Variants in TMEM39B observed in about 807,000 individuals in gnomAD.
TMEM39B encodes the protein transmembrane protein 39B.
A neutral mutation model predicts 52.2 loss-of-function variants in TMEM39B; 23 were observed. The ratio of observed to expected loss-of-function variants is 0.44; its 90% CI spans 0.32 to 0.62. The LOEUF is 0.62. Ranked by LOEUF, TMEM39B falls within the 20% of genes least tolerant of loss-of-function variation. The pLI is 0.06. For missense variants in TMEM39B, 547 were observed against 642.0 expected, an observed-to-expected ratio of 0.85 and a Z score of 1.60; for synonymous variants, 285 against 264.0, an observed-to-expected ratio of 1.08 and a Z score of -0.77.
At chr1:32,097,781 ACTACAGATGCCCGCCACCGCACCTGG>A (rs1381210718) in intron 7 of TMEM39B, among the ~76,000 whole-genome samples, 50 of 151,852 alleles carry the variant, frequency 3.3e-4, no homozygotes, top group Non-Finnish European at 6.3e-4. Context: ...AGTAGCTGGG[ACTACAGATGCCCGCCACCGCACCTGG>A]CTAATTTTTT....
At chr1:32,080,200 TTTAAG>T (rs1171824936) in intron 5 of TMEM39B, among the ~76,000 whole-genome samples, 3 of 152,172 alleles carry the variant, frequency 2.0e-5, no homozygotes, top group East Asian at 3.9e-4. Flanking sequence ...CTGGCAAACT[TTTAAG>T]TTGTTTCTAG....
In TMEM39B at chr1:32,091,790, C is replaced by T. The variant is rs768247211; in HGVS notation, c.706C>T (p.Arg236Trp). ...REAVSGLAKSRDYLLTLRETW... is the reference protein window; with the variant it reads ...REAVSGLAKSWDYLLTLRETW... ...GGCGGTCAGTGGCCTGGCAAAGAGC[C>T]GGGACTACCTCCTGACACTGCGGGA... Residue 236 changes from arginine to tryptophan, a missense_variant, in exon 6 of 9, where the codon CGG becomes TGG. Coordinates refer to ENST00000336294, the MANE Select transcript of TMEM39B (RefSeq NM_018056.4). 6.2e-6 allele frequency: 10 copies of T among 1,614,092 alleles called. No individual in the cohort carries two copies. Among genetic ancestry groups the T allele is most frequent in the East Asian group, 4.5e-5 (2 of 44,900 alleles).
chr1:32,075,855 TGTGTGTGTGC>T (rs1467731014), intron 3 of TMEM39B, 33 bp downstream of exon 3: 10 of 1,328,722 alleles, frequency 7.5e-6, no homozygotes, highest in African/African-American at 3.0e-5. Flanking sequence ...TGTGTGTGTG[TGTGTGTGTGC>T]GTGTGTGTGT....
intron 1 of TMEM39B, 51 bp from the exon 2 acceptor site, chr1:32,074,900 C>A: frequency 1.3e-6 from 2 of 1,513,616 alleles, no homozygotes; most frequent in African/African-American, 2.8e-5. Flanking sequence ...TGCTGTTATC[C>A]TTGATATATG....
intron 5 of TMEM39B, among the ~76,000 whole-genome samples, chr1:32,081,904 T>C (rs1640114128): frequency 6.6e-6 from 1 of 152,174 alleles, no homozygotes; most frequent in Non-Finnish European, 1.5e-5. Context: ...TATCAATGTT[T>C]TTGGTTTCTT....
chr1:32,092,539 A>C (rs527424916), intron 6 of TMEM39B, among the ~76,000 whole-genome samples: 1 of 152,110 alleles, frequency 6.6e-6, no homozygotes, highest in East Asian at 1.9e-4. Context: ...TGGCCAGGCT[A>C]GAGTACAGTG....
intron 3 of TMEM39B, 43 bp downstream of exon 3, chr1:32,075,865 CGTGTGT>C: frequency 1.2e-6 from 1 of 828,344 alleles, no homozygotes. Flanking sequence ...TGTGTGTGTG[CGTGTGT>C]GTGTATGTGT....
intron 5 of TMEM39B, among the ~76,000 whole-genome samples, chr1:32,081,243 T>C (rs551860288): frequency 6.6e-6 from 1 of 151,852 alleles, no homozygotes; most frequent in African/African-American, 2.4e-5. Flanking sequence ...AAACCTATTA[T>C]CCAGTTCTAA....
In TMEM39B at chr1:32,102,548, C is replaced by T. The variant is rs6686994; in HGVS notation, c.1354C>T (p.Leu452=). The T allele has an allele frequency of 5.8e-3, 9,377 of 1,614,176 alleles. 444 individuals carry two copies. The African/African-American group carries it at 0.11, about 18-fold the overall frequency. Residue 452 remains leucine, a synonymous_variant, in exon 9 of 9, where the codon CTG becomes TTG. Coordinates refer to ENST00000336294, the MANE Select transcript of TMEM39B (RefSeq NM_018056.4). ...TGAAAAGTGGCACCAGACCATCTCG[C>T]TGGCCCTCATCCTCTTCAGCAACTA... The part of the protein sequence containing the change: ...SSEKWHQTIS[L]ALILFSNYYA...
In TMEM39B at chr1:32,075,819, C is replaced by T; in HGVS notation, c.348C>T (p.Ser116=). 6.7e-7 allele frequency: 1 copy of T among 1,494,528 alleles called. No individual in the cohort carries two copies. The highest frequency in any genetic ancestry group is 2.5e-5 in the East Asian group (1 of 40,340). 92.6% of individuals were successfully genotyped at this position (1,494,528 alleles called of 1,614,324 possible). A position where few individuals can be genotyped will look rare whatever the true frequency, so the allele number is the denominator to read the frequency against. ...CTTCCCACCCACCCTCCCACACCTCCCTGGTAGGTACCCAACAAGGGTGTG... is the reference window on the plus strand; with the variant it reads ...CTTCCCACCCACCCTCCCACACCTCTCTGGTAGGTACCCAACAAGGGTGTG... ...YPPSHPPSHT[S]LNFHLIDFNL... The change falls in exon 3 of 9, where the codon TCC becomes TCT. Residue 116 remains serine (S), a synonymous_variant. Transcript: ENST00000336294.
chr1:32,076,765 C>G lies in TMEM39B; in HGVS notation c.354C>G (p.Asn118Lys). ...PSHPPSHTSL[N>K]FHLIDFNLLM... Reference sequence around the variant, plus strand: ...CCCAGGCCTCTGCCCCCTGACAGAACTTCCATCTGATCGACTTCAACTTGC... The same window carrying G: ...CCCAGGCCTCTGCCCCCTGACAGAAGTTCCATCTGATCGACTTCAACTTGC... The change falls in exon 4 of 9, where the codon AAC becomes AAG. Residue 118 changes from asparagine to lysine, a missense_variant and splice_region_variant. By Grantham distance (94) the Asn-to-Lys change is moderately conservative. Transcript: ENST00000336294. The G allele has an allele frequency of 6.2e-7, 1 of 1,614,152 alleles. No individual in the cohort carries two copies. The highest frequency in any genetic ancestry group is 8.5e-7 in the Non-Finnish European group (1 of 1,180,012).
intron 2 of TMEM39B, 80 bp from the exon 3 acceptor site, chr1:32,075,523 C>T (rs1639817020): frequency 1.4e-6 from 2 of 1,416,710 alleles, no homozygotes; most frequent in Non-Finnish European, 1.9e-6. Flanking sequence ...CTGATCTTAT[C>T]CCACAATCCT....
At chr1:32,086,486 G>T (rs772281017) in intron 5 of TMEM39B, among the ~76,000 whole-genome samples, 2 of 152,208 alleles carry the variant, frequency 1.3e-5, no homozygotes, top group Non-Finnish European at 2.9e-5. Flanking sequence ...AAGAAAGTAG[G>T]CTGGGCATGG....
chr1:32,090,098 G>C (rs780057284), intron 5 of TMEM39B, among the ~76,000 whole-genome samples: 3 of 151,946 alleles, frequency 2.0e-5, no homozygotes, highest in African/African-American at 7.3e-5. Context: ...GAACCCTTGT[G>C]GGGGTGTGTA....
intron 5 of TMEM39B, among the ~76,000 whole-genome samples, chr1:32,084,794 C>T (rs552818727): frequency 2.2e-4 from 34 of 152,232 alleles, no homozygotes; most frequent in African/African-American, 7.9e-4. Context: ...TCTCAAACTC[C>T]TGACCTCGTG....
chr1:32,072,531 G>C (rs1639685181), upstream of TMEM39B: 1 of 156,264 alleles, frequency 6.4e-6, no homozygotes, highest in Non-Finnish European at 1.4e-5. Flanking sequence ...TGGGGGCCGA[G>C]GGAGGGAGGA....
At chr1:32,073,620 C>T (rs763829083) in intron 1 of TMEM39B, 4 of 987,424 alleles carry the variant, frequency 4.1e-6, no homozygotes, top group Non-Finnish European at 4.8e-6. Context: ...GGCAGAGCTT[C>T]TGGACTGGAC....
chr1:32,094,039 C>T (rs1296700764), intron 6 of TMEM39B, among the ~76,000 whole-genome samples: 45 of 144,728 alleles, frequency 3.1e-4, no homozygotes, highest in South Asian at 4.4e-4. Context: ...AGGATGGCCT[C>T]GATCTCCTGA....
intron 3 of TMEM39B, 80 bp from the exon 4 acceptor site, chr1:32,076,683 G>A: frequency 7.3e-7 from 1 of 1,370,900 alleles, no homozygotes; most frequent in Non-Finnish European, 1.0e-6. Flanking sequence ...GAAAGAAATG[G>A]GCAGCGGGAG....
Sources: gnomAD v4.1 joint callset for allele counts (sites outside exome capture counted in the v4.1 genomes callset) on GRCh38, gnomAD v4.1.1 for gene constraint, MANE v1.5 for transcripts, NCBI Gene and HGNC (gene_info 2026-07-23, HGNC 2026-07-21) for gene names.